The following ROBO1 variants were observed in gnomAD, a reference collection of about 807,000 sequenced individuals.
ROBO1 encodes the protein roundabout guidance receptor 1.
ROBO1 carries 149 observed loss-of-function variants against 195.9 expected under a neutral mutation model. That is an observed-to-expected ratio of 0.76 (90% confidence interval 0.67 to 0.87). ROBO1 has a LOEUF of 0.87. ROBO1 is among the 40% of genes least tolerant of loss of function. ROBO1 has a pLI of 0.00. For missense variants in ROBO1, 1,933 were observed against 2,068.3 expected (o/e 0.93, Z 1.27); for synonymous variants, 816 against 733.2 (o/e 1.11, Z -1.82).
chr3:78,991,316 C>T lies in ROBO1; in HGVS notation c.173-52389G>A, dbSNP rs371272443. On this transcript the variant is annotated intron_variant, in intron 3 of 30. Coordinates refer to ENST00000464233, the MANE Select transcript of ROBO1 (RefSeq NM_002941.4). Reference sequence around the variant, plus strand: ...TAGAGCTGCAGCTTAGAATCTGCTGCAAAAAAGCTCTGGAAAATGTAGAAG... The same window carrying T: ...TAGAGCTGCAGCTTAGAATCTGCTGTAAAAAAGCTCTGGAAAATGTAGAAG... Among the ~76,000 whole-genome samples, 4 of 152,026 alleles carry T rather than the reference C, an allele frequency of 2.6e-5. No individual in the cohort carries two copies. The East Asian group carries it at 7.7e-4, about 29-fold the overall frequency.
intron 3 of ROBO1, among the ~76,000 whole-genome samples, chr3:79,006,757 G>A (rs866683976): frequency 5.5e-4 from 63 of 115,218 alleles, no homozygotes; most frequent in Non-Finnish European, 5.9e-4. Context: ...CAAAATATCG[G>A]AAAAAAAAAA....
chr3:79,087,350 T>C (rs2079389653), intron 3 of ROBO1, among the ~76,000 whole-genome samples: 1 of 152,168 alleles, frequency 6.6e-6, no homozygotes, highest in African/African-American at 2.4e-5. Flanking sequence ...TCCCGTTCAT[T>C]ATTTCAAAAT....
chr3:79,369,964 G>C (rs2036129609), intron 2 of ROBO1, among the ~76,000 whole-genome samples: 1 of 152,090 alleles, frequency 6.6e-6, no homozygotes, highest in Non-Finnish European at 1.5e-5. Context: ...AGATAACCCT[G>C]CCATGCTTAA....
chr3:79,737,538 A>G (rs1028979818), intron 1 of ROBO1, among the ~76,000 whole-genome samples: 2 of 152,172 alleles, frequency 1.3e-5, no homozygotes, highest in Admixed American at 6.5e-5. Context: ...GAATTTCTCT[A>G]AATCTTAACT....
chr3:79,147,851 C>CA (rs1490999495), intron 2 of ROBO1, among the ~76,000 whole-genome samples: 1 of 151,822 alleles, frequency 6.6e-6, no homozygotes, highest in Non-Finnish European at 1.5e-5. Context: ...TAGAGAATTT[C>CA]AAAACAGCTA....
intron 2 of ROBO1, among the ~76,000 whole-genome samples, chr3:79,419,014 G>A (rs956957947): frequency 5.9e-5 from 9 of 152,062 alleles, no homozygotes; most frequent in Non-Finnish European, 1.3e-4. Context: ...AGACCTACAC[G>A]TGCATTTGCA....
At chr3:79,197,107 G>T (rs2081651950) in intron 2 of ROBO1, among the ~76,000 whole-genome samples, 1 of 151,586 alleles carries the variant, frequency 6.6e-6, no homozygotes. Flanking sequence ...TGTTACATAG[G>T]TATACACATG....
In ROBO1 at chr3:78,617,777, C is replaced by T. The variant is rs1438372663; in HGVS notation, c.4140G>A (p.Glu1380=). The change falls in exon 27 of 31, where the codon GAG becomes GAA. Residue 1380 remains glutamate (E), a synonymous_variant. Transcript: ENST00000464233. The part of the protein sequence containing the change: ...MINGWGSASE[E]DNISSGRSSV... Reference sequence around the variant, plus strand: ...TGGAGCGTCCGCTGGAAATGTTGTCCTCCTCTGAGGCTGAGCCCCAGCCGT... The same window carrying T: ...TGGAGCGTCCGCTGGAAATGTTGTCTTCCTCTGAGGCTGAGCCCCAGCCGT... 6.2e-7 allele frequency: 1 copy of T among 1,613,798 alleles called. No homozygotes were observed. The highest frequency in any genetic ancestry group is 8.5e-7 in the Non-Finnish European group (1 of 1,179,874).
intron 4 of ROBO1, among the ~76,000 whole-genome samples, chr3:78,747,722 A>T (rs530432914): frequency 6.6e-6 from 1 of 152,196 alleles, no homozygotes; most frequent in Non-Finnish European, 1.5e-5. Flanking sequence ...ACTGGATACT[A>T]ATATAATATT....
At chr3:78,858,991 C>CT (rs2034626007) in intron 4 of ROBO1, among the ~76,000 whole-genome samples, 1 of 152,096 alleles carries the variant, frequency 6.6e-6, no homozygotes, top group African/African-American at 2.4e-5. Flanking sequence ...CTCAAACCTC[C>CT]TTTTTTCTCA....
rs76722069 is a variant in ROBO1, at chr3:79,400,307, G to A, written c.88+189517C>T. 1.1e-3 allele frequency among the ~76,000 whole-genome samples: 164 copies of A among 151,824 alleles called. 2 individuals carry two copies. In the East Asian group the frequency reaches 0.027, roughly 25 times the overall value. On this transcript the variant is annotated intron_variant, in intron 2 of 30. Transcript: ENST00000464233. Reference sequence around the variant, plus strand: ...ACCCCCACAACACACACACACTTACGCACACCAAGTTGCACATTTAACAAA... The same window carrying A: ...ACCCCCACAACACACACACACTTACACACACCAAGTTGCACATTTAACAAA...
intron 3 of ROBO1, among the ~76,000 whole-genome samples, chr3:78,984,314 T>G (rs2108009498): frequency 6.6e-6 from 1 of 152,274 alleles, no homozygotes. Flanking sequence ...GAGCTTGTGT[T>G]ATTTCATGAG....
intron 4 of ROBO1, among the ~76,000 whole-genome samples, chr3:78,855,400 C>A (rs1361092223): frequency 6.6e-6 from 1 of 152,142 alleles, no homozygotes; most frequent in Non-Finnish European, 1.5e-5. Context: ...GTTTTCCAAG[C>A]CTGCAAAGTC....
intron 1 of ROBO1, among the ~76,000 whole-genome samples, chr3:79,681,101 C>A (rs1946933029): frequency 6.6e-6 from 1 of 151,890 alleles, no homozygotes; most frequent in Non-Finnish European, 1.5e-5. Context: ...AAGAGATTAA[C>A]ATTGAGTAGG....
intron 4 of ROBO1, among the ~76,000 whole-genome samples, chr3:78,893,393 G>A (rs1006286158): frequency 2.6e-5 from 4 of 152,084 alleles, no homozygotes; most frequent in African/African-American, 7.2e-5. Flanking sequence ...ATAAGGTGCC[G>A]TCTTGGAAAC....
chr3:79,200,018 A>AT, intron 2 of ROBO1, among the ~76,000 whole-genome samples: 1 of 151,938 alleles, frequency 6.6e-6, no homozygotes, highest in South Asian at 2.1e-4. Flanking sequence ...CAAAGGAGAG[A>AT]TAAAAAATAA....
rs374475093 is a variant in ROBO1, at chr3:78,678,552, C to T, written c.1342+7194G>A. Among the ~76,000 whole-genome samples, 112 of 152,142 alleles carry T rather than the reference C, an allele frequency of 7.4e-4. No homozygotes were observed. The East Asian group carries it at 0.011, about 15-fold the overall frequency. On this transcript the variant is annotated intron_variant, in intron 10 of 30. Transcript: ENST00000464233. ...TCAGAGAATACTACAAACACCTCTA[C>T]GCAAATAAACTAGAAAATCTAGAAG...
chr3:78,702,518 T>C (rs1420654977), intron 8 of ROBO1, among the ~76,000 whole-genome samples: 2 of 152,234 alleles, frequency 1.3e-5, no homozygotes, highest in South Asian at 2.1e-4. Context: ...CTAACTCTGA[T>C]AAAATAATTC....
intron 4 of ROBO1, among the ~76,000 whole-genome samples, chr3:78,936,965 A>G (rs544048186): frequency 3.9e-5 from 6 of 152,312 alleles, no homozygotes; most frequent in Admixed American, 2.0e-4. Context: ...GAGAAAGGTC[A>G]TAAGTTCATT....
Sources: allele counts gnomAD v4.1 joint callset (sites outside exome capture counted in the v4.1 genomes callset), GRCh38; gene constraint gnomAD v4.1.1; transcripts MANE v1.5; gene names NCBI Gene and HGNC (gene_info 2026-07-23, HGNC 2026-07-21).